Variants in LIMS1 observed in about 807,000 individuals in gnomAD.
The protein encoded by LIMS1 is LIM and senescent cell antigen-like-containing domain protein 1.
Under a neutral mutation model 44.1 loss-of-function variants are expected in LIMS1, and 18 were observed. The observed-to-expected ratio is 0.41, with a 90% CI of 0.28 to 0.61. The LOEUF (loss-of-function observed/expected upper bound fraction) is 0.61, where lower values mean the gene tolerates loss of function less well. Ranked by LOEUF, LIMS1 falls within the 20% of genes least tolerant of loss-of-function variation. The pLI, the probability that LIMS1 is intolerant of heterozygous loss-of-function variation, is 0.32. For synonymous variants in LIMS1, 93 were observed against 149.1 expected (o/e 0.62, Z 2.74); for missense variants, 201 against 422.0 (o/e 0.48, Z 4.59).
chr2:108,547,844 C>A (rs1000587168), intron 1 of LIMS1, among the ~76,000 whole-genome samples: 2 of 152,092 alleles, frequency 1.3e-5, no homozygotes, highest in South Asian at 4.1e-4. Context: ...GAATACAATA[C>A]GGACTTTGTC....
intron 9 of LIMS1, among the ~76,000 whole-genome samples, 182 bp from the exon 10 acceptor site, chr2:108,683,703 A>C (rs1263397368): frequency 6.6e-6 from 1 of 152,004 alleles, no homozygotes; most frequent in Non-Finnish European, 1.5e-5. Flanking sequence ...ATTATACTGA[A>C]TTTTTATATA....
chr2:108,685,638 A>G (rs1226944377), exon 10 of LIMS1: 1 of 152,216 alleles, frequency 6.6e-6, no homozygotes, highest in East Asian at 1.9e-4. Context: ...ATCATAAATG[A>G]TCGAGAATAA....
chr2:108,585,725 T>C (rs1445399947), intron 1 of LIMS1, among the ~76,000 whole-genome samples: 1 of 152,000 alleles, frequency 6.6e-6, no homozygotes, highest in Non-Finnish European at 1.5e-5. Flanking sequence ...AGTACGGTGG[T>C]CTGGAAGCCA....
intron 2 of LIMS1, among the ~76,000 whole-genome samples, chr2:108,669,662 A>G (rs1383308121): frequency 6.6e-6 from 1 of 152,112 alleles, no homozygotes; most frequent in Non-Finnish European, 1.5e-5. Flanking sequence ...AAGGGGAGAC[A>G]TTACTATAAC....
At chr2:108,686,805 A>C (rs984790213) in exon 10 of LIMS1, 1 of 152,082 alleles carries the variant, frequency 6.6e-6, no homozygotes, top group African/African-American at 2.4e-5. Context: ...AAGTGGATTA[A>C]AAGAGAAACT....
chr2:108,638,906 G>C (rs963397634), intron 1 of LIMS1, among the ~76,000 whole-genome samples: 3 of 152,290 alleles, frequency 2.0e-5, no homozygotes, highest in Middle Eastern at 6.8e-3. Context: ...AGCCGGGCGT[G>C]TTGATAGGCA....
chr2:108,663,963 A>G (rs938847706), intron 2 of LIMS1, among the ~76,000 whole-genome samples: 2 of 152,076 alleles, frequency 1.3e-5, no homozygotes, highest in African/African-American at 4.8e-5. Context: ...CATGTTGGTC[A>G]GGCTGGTCTC....
intron 1 of LIMS1, among the ~76,000 whole-genome samples, chr2:108,561,690 A>G (rs1685124370): frequency 4.0e-5 from 6 of 149,622 alleles, no homozygotes; most frequent in Admixed American, 4.0e-4. Context: ...AATATTTCAA[A>G]CTTCTTTGTT....
rs527304495 is a variant in LIMS1 at position 108,586,021 on chromosome 2, A to G, written c.32+51427A>G. ...ATCCTGGCTAACACGGTGAAACCCC[A>G]TCTTACTAAAAATACAAAAAATTAG... On this transcript the variant is annotated intron_variant, in intron 1 of 9. Coordinates refer to ENST00000544547, the Ensembl canonical transcript of LIMS1. 1.4e-4 allele frequency among the ~76,000 whole-genome samples: 22 copies of G among 152,170 alleles called. 1 individual carries two copies. In the South Asian group the frequency reaches 4.3e-3, roughly 30 times the overall value.
intron 1 of LIMS1, among the ~76,000 whole-genome samples, chr2:108,578,403 T>C (rs1383292470): frequency 6.6e-6 from 1 of 152,118 alleles, no homozygotes; most frequent in Non-Finnish European, 1.5e-5. Flanking sequence ...CAAGCACTTA[T>C]TTTGAAGTAG....
intron 1 of LIMS1, among the ~76,000 whole-genome samples, chr2:108,657,373 C>T (rs1402051987): frequency 6.6e-6 from 1 of 152,308 alleles, no homozygotes; most frequent in Non-Finnish European, 1.5e-5. Flanking sequence ...TTAGAATTAA[C>T]AACAGAGCCA....
intron 1 of LIMS1, among the ~76,000 whole-genome samples, chr2:108,619,280 T>G (rs2148868943): frequency 6.6e-6 from 1 of 152,306 alleles, no homozygotes; most frequent in Admixed American, 6.5e-5. Context: ...AATATACAAT[T>G]GATTTGTGTT....
At chr2:108,641,578 G>A (rs775496915) in intron 1 of LIMS1, among the ~76,000 whole-genome samples, 2 of 152,104 alleles carry the variant, frequency 1.3e-5, no homozygotes, top group South Asian at 2.1e-4. Flanking sequence ...ACAAAGCCAC[G>A]GTAGCTCTGC....
chr2:108,548,828 G>A (rs1182034491), intron 1 of LIMS1, among the ~76,000 whole-genome samples: 3 of 152,148 alleles, frequency 2.0e-5, no homozygotes, highest in South Asian at 4.1e-4. Context: ...AGGATATAAG[G>A]CATGGGAACT....
chr2:108,607,545 C>A (rs949377684), intron 1 of LIMS1, among the ~76,000 whole-genome samples: 3 of 152,114 alleles, frequency 2.0e-5, no homozygotes, highest in Non-Finnish European at 4.4e-5. Context: ...ATTATTAATA[C>A]CATGGGCGGA....
chr2:108,659,331 GCACT>G (rs1430382498), intron 1 of LIMS1, among the ~76,000 whole-genome samples: 2 of 151,462 alleles, frequency 1.3e-5, no homozygotes, highest in Non-Finnish European at 2.9e-5. Flanking sequence ...CACATAGTAG[GCACT>G]CACTCATAGT....
chr2:108,535,648 A>C (rs1684109061), intron 1 of LIMS1, among the ~76,000 whole-genome samples: 1 of 152,234 alleles, frequency 6.6e-6, no homozygotes, highest in African/African-American at 2.4e-5. Context: ...TGATTTCATT[A>C]GGAAAGTCTT....
intron 1 of LIMS1, among the ~76,000 whole-genome samples, chr2:108,557,233 G>A (rs1229819691): frequency 2.0e-5 from 3 of 151,638 alleles, no homozygotes; most frequent in East Asian, 2.0e-4. Flanking sequence ...GCACACTACC[G>A]TGCCTGGCTA....
intron 5 of LIMS1, 34 bp from the exon 6 acceptor site, chr2:108,675,844 T>A: frequency 6.2e-7 from 1 of 1,613,884 alleles, no homozygotes; most frequent in Non-Finnish European, 8.5e-7. Context: ...CTTTTCTCTC[T>A]TAGTATTAAG....
Sources: gnomAD v4.1 joint callset for allele counts (sites outside exome capture counted in the v4.1 genomes callset) on GRCh38, gnomAD v4.1.1 for gene constraint, MANE v1.5 for transcripts, NCBI Gene and HGNC (gene_info 2026-07-23, HGNC 2026-07-21) for gene names.